The following ASIC2 variants were observed in gnomAD, a reference collection of about 807,000 sequenced individuals.
The protein encoded by ASIC2 is acid sensing ion channel subunit 2, also known as acid-sensing ion channel 2.
In ASIC2, 25 loss-of-function variants were observed where a neutral mutation model predicts 57.3. That is an observed-to-expected ratio of 0.44 (90% CI 0.32 to 0.61). The LOEUF is 0.61. ASIC2 is among the 20% of genes least tolerant of loss of function. The pLI is 0.06. For missense variants in ASIC2, 641 were observed against 738.1 expected (o/e 0.87, Z 1.52); for synonymous variants, 319 against 307.5 (o/e 1.04, Z -0.39).
chr17:33,795,894 A>G (rs1911901098), intron 1 of ASIC2, among the ~76,000 whole-genome samples: 1 of 152,238 alleles, frequency 6.6e-6, no homozygotes, highest in Admixed American at 6.5e-5. Context: ...TTCCCCTTGA[A>G]GTTAAACAAC....
At chr17:33,992,319 A>T (rs749262343) in intron 1 of ASIC2, among the ~76,000 whole-genome samples, 5 of 152,198 alleles carry the variant, frequency 3.3e-5, no homozygotes, top group Non-Finnish European at 7.3e-5. Context: ...GCTGTCGATG[A>T]CATCATGGGT....
chr17:33,088,983 C>G lies in ASIC2; in HGVS notation c.867G>C (p.Thr289=). ...YLPIWGETEE[T]TFEAGVKVQI... ...GAACTTTCACTCCTGCTTCAAATGT[C>G]GTTTCCTCTGAAAGAACAAAGATGG... The change falls in exon 3 of 10, where the codon ACG becomes ACC. Residue 289 remains threonine (T), a synonymous_variant. Transcript: ENST00000225823. 6.2e-7 allele frequency: 1 copy of G among 1,614,024 alleles called. No individual in the cohort carries two copies. Among genetic ancestry groups the G allele is most frequent in the Non-Finnish European group, 8.5e-7 (1 of 1,179,940 alleles).
intron 1 of ASIC2, among the ~76,000 whole-genome samples, chr17:34,019,612 G>A (rs1479987119): frequency 1.3e-5 from 2 of 152,138 alleles, no homozygotes; most frequent in African/African-American, 2.4e-5. Flanking sequence ...TCTAATTAAC[G>A]TATAAACATT....
At chr17:34,082,206 G>A (rs890332954) in intron 1 of ASIC2, 1 of 152,170 alleles carries the variant, frequency 6.6e-6, no homozygotes, top group Non-Finnish European at 1.5e-5. Context: ...TGCTCCTTCA[G>A]GCACTCTCTC....
In ASIC2 at chr17:33,761,553, A is replaced by G. The variant is rs540069405; in HGVS notation, c.555+394425T>C. Among the ~76,000 whole-genome samples, 12 of 152,140 alleles carry G rather than the reference A, an allele frequency of 7.9e-5. 1 individual carries two copies. In the South Asian group the frequency reaches 2.5e-3, roughly 32 times the overall value. ...AGTCCCAAATGGAATGGAGTGATCA[A>G]CTCTCAGGGAGGGACTTCAGCTTGA... On this transcript the variant is annotated intron_variant, in intron 1 of 9. Coordinates refer to the ASIC2 transcript ENST00000359872.
chr17:33,101,663 C>G (rs527946341), intron 2 of ASIC2, among the ~76,000 whole-genome samples: 52 of 152,250 alleles, frequency 3.4e-4, no homozygotes, highest in African/African-American at 1.2e-3. Context: ...AGGATGTAGG[C>G]TTCTTAGATG....
chr17:34,002,481 T>C (rs1334658371), intron 1 of ASIC2: 1 of 152,238 alleles, frequency 6.6e-6, no homozygotes, highest in Non-Finnish European at 1.5e-5. Context: ...AACTGGTTGG[T>C]GGTCCCTTCT....
At chr17:33,889,326 G>A (rs1245146559) in intron 1 of ASIC2, among the ~76,000 whole-genome samples, 1 of 152,082 alleles carries the variant, frequency 6.6e-6, no homozygotes, top group Non-Finnish European at 1.5e-5. Flanking sequence ...AAACTAAGAG[G>A]CATTGAGTGA....
chr17:34,011,261 G>A (rs1394711431), intron 1 of ASIC2, among the ~76,000 whole-genome samples: 3 of 152,086 alleles, frequency 2.0e-5, no homozygotes, highest in Admixed American at 2.0e-4. Flanking sequence ...ACACATAGAC[G>A]CACATACCTT....
intron 1 of ASIC2, among the ~76,000 whole-genome samples, chr17:34,154,376 C>A (rs1904635542): frequency 6.6e-6 from 1 of 152,190 alleles, no homozygotes; most frequent in East Asian, 1.9e-4. Flanking sequence ...TATTACTGGT[C>A]CCTTCTCCCA....
intron 1 of ASIC2, among the ~76,000 whole-genome samples, chr17:33,554,917 G>A (rs558803728): frequency 6.6e-6 from 1 of 152,186 alleles, no homozygotes; most frequent in African/African-American, 2.4e-5. Flanking sequence ...AAGGGAAGGA[G>A]CCTCTCACAT....
At chr17:33,227,480 G>C (rs1017021136) in intron 1 of ASIC2, among the ~76,000 whole-genome samples, 1 of 152,076 alleles carries the variant, frequency 6.6e-6, no homozygotes, top group African/African-American at 2.4e-5. Flanking sequence ...GTGAGACCCA[G>C]TTCCCTTGGA....
intron 1 of ASIC2, among the ~76,000 whole-genome samples, chr17:33,246,726 C>T (rs568175990): frequency 6.6e-5 from 10 of 152,312 alleles, no homozygotes; most frequent in Admixed American, 2.0e-4. Context: ...TTTTGACATA[C>T]GTTATCCCAT....
intron 1 of ASIC2, among the ~76,000 whole-genome samples, chr17:33,952,059 T>C (rs1904592768): frequency 6.6e-6 from 1 of 152,192 alleles, no homozygotes; most frequent in African/African-American, 2.4e-5. Flanking sequence ...TATTTCAATG[T>C]TAAAAGTTTT....
At chr17:33,635,101 A>T (rs1248469922) in intron 1 of ASIC2, 1 of 151,722 alleles carries the variant, frequency 6.6e-6, no homozygotes, top group African/African-American at 2.4e-5. Context: ...TTTGTCATCC[A>T]AGTCTAGGGC....
At chr17:34,017,716 C>A (rs947969380) in intron 1 of ASIC2, among the ~76,000 whole-genome samples, 2 of 152,170 alleles carry the variant, frequency 1.3e-5, no homozygotes, top group African/African-American at 2.4e-5. Context: ...AAAATCAAAC[C>A]AGTAACAGCA....
chr17:33,159,031 G>A (rs1477119330), intron 1 of ASIC2, among the ~76,000 whole-genome samples: 1 of 152,222 alleles, frequency 6.6e-6, no homozygotes, highest in Non-Finnish European at 1.5e-5. Context: ...GTTTGAGTTA[G>A]TGACTGGGGA....
chr17:33,299,310 C>G (rs1018084285), intron 1 of ASIC2, among the ~76,000 whole-genome samples: 6 of 152,170 alleles, frequency 3.9e-5, no homozygotes, highest in Non-Finnish European at 8.8e-5. Flanking sequence ...GCATGTGGGG[C>G]CCTAGAGGTG....
chr17:33,127,122 G>T (rs1439092567), intron 1 of ASIC2, among the ~76,000 whole-genome samples: 1 of 149,404 alleles, frequency 6.7e-6, no homozygotes, highest in East Asian at 2.0e-4. Context: ...ACCCGCCTCG[G>T]CCTCCCAAAG....
Sources: allele counts gnomAD v4.1 joint callset (sites outside exome capture counted in the v4.1 genomes callset), GRCh38; gene constraint gnomAD v4.1.1; transcripts MANE v1.5; gene names NCBI Gene and HGNC (gene_info 2026-07-23, HGNC 2026-07-21).